Variants in TENM1 observed in about 807,000 individuals in gnomAD.
TENM1 encodes the protein teneurin transmembrane protein 1, also known as teneurin-1.
A neutral mutation model predicts 174.8 loss-of-function variants in TENM1; 35 were observed. The observed-to-expected ratio is 0.20, with a 90% CI of 0.15 to 0.27. The LOEUF is 0.27. TENM1 is among the 10% of genes least tolerant of loss of function. TENM1 has a pLI of 1.00. For missense variants in TENM1, 1,633 were observed against 2,130.1 expected, an observed-to-expected ratio of 0.77 and a Z score of 4.59; for synonymous variants, 781 against 798.7, an observed-to-expected ratio of 0.98 and a Z score of 0.37.
the TENM1 span, among the ~76,000 whole-genome samples, chrX:124,978,005 AGAGAGAGAGAGAGAGAG>A: frequency 2.7e-4 from 24 of 90,500 alleles, no homozygotes; most frequent in African/African-American, 1.0e-3. Context: ...AGAGAGAGAG[AGAGAGAGAGAGAGAGAG>A]ATCTTTTTCC....
At chrX:124,974,905 A>G in the TENM1 span, among the ~76,000 whole-genome samples, 1 of 66,867 alleles carries the variant, frequency 1.5e-5, no homozygotes, top group Non-Finnish European at 3.2e-5. Context: ...TATATATAAA[A>G]TAATTTTGAA....
chrX:125,172,051 CACTT>C, the TENM1 span, among the ~76,000 whole-genome samples: 1 of 111,451 alleles, frequency 9.0e-6, no homozygotes, highest in African/African-American at 3.3e-5. Flanking sequence ...GACAAGAAAA[CACTT>C]AGAGAGCTAG....
intron 1 of TENM1, among the ~76,000 whole-genome samples, chrX:124,960,800 A>G (rs1274733491): frequency 8.9e-6 from 1 of 112,339 alleles, no homozygotes; most frequent in Non-Finnish European, 1.9e-5. Context: ...AGACAAACTT[A>G]CAGATAAGTA....
chrX:124,903,073 T>C (rs1399219545), intron 1 of TENM1, among the ~76,000 whole-genome samples: 2 of 111,944 alleles, frequency 1.8e-5, no homozygotes. Context: ...GACTGGAGCC[T>C]GTGGTTATAA....
chrX:124,772,003 T>C (rs1323481456), intron 3 of TENM1, among the ~76,000 whole-genome samples: 4 of 112,283 alleles, frequency 3.6e-5, no homozygotes, highest in Non-Finnish European at 1.9e-5. Context: ...CACTACTTAC[T>C]AGTATCCTAT....
chrX:124,765,842 T>C (rs2054527647), intron 3 of TENM1, among the ~76,000 whole-genome samples: 1 of 112,201 alleles, frequency 8.9e-6, no homozygotes, highest in South Asian at 3.7e-4. Context: ...ACATACACTC[T>C]ACTTGAACTT....
At chrX:125,161,227 G>C in the TENM1 span, among the ~76,000 whole-genome samples, 3 of 110,893 alleles carry the variant, frequency 2.7e-5, no homozygotes, top group African/African-American at 9.8e-5. Context: ...AAATGACATA[G>C]TATTTGCATG....
intron 11 of TENM1, among the ~76,000 whole-genome samples, chrX:124,584,762 T>C (rs1223029960): frequency 2.7e-5 from 3 of 111,198 alleles, no homozygotes; most frequent in Non-Finnish European, 3.8e-5. Flanking sequence ...AGAGTCAAGA[T>C]CCATCGGTGT....
At chrX:124,677,444 T>C (rs2148446964) in intron 5 of TENM1, among the ~76,000 whole-genome samples, 1 of 111,243 alleles carries the variant, frequency 9.0e-6, no homozygotes, top group South Asian at 3.7e-4. Flanking sequence ...GAGTGTACAG[T>C]GGTAAAGTGG....
chrX:124,767,301 A>G (rs1366699298), intron 3 of TENM1, among the ~76,000 whole-genome samples: 1 of 111,529 alleles, frequency 9.0e-6, no homozygotes, highest in Non-Finnish European at 1.9e-5. Context: ...TCTATCAGAA[A>G]CCAACATTAT....
chrX:125,104,272 G>A, the TENM1 span, among the ~76,000 whole-genome samples: 1 of 111,754 alleles, frequency 8.9e-6, no homozygotes, highest in Non-Finnish European at 1.9e-5. Flanking sequence ...GAAAGTAAAT[G>A]GGATAACACT....
At chrX:124,978,642 C>T in the TENM1 span, among the ~76,000 whole-genome samples, 28 of 111,618 alleles carry the variant, frequency 2.5e-4, no homozygotes, top group African/African-American at 8.5e-4. Flanking sequence ...TGGTTTCCTA[C>T]GGGTCACTCC....
chrX:124,596,275 A>G (rs2049889190), intron 11 of TENM1, among the ~76,000 whole-genome samples: 1 of 112,063 alleles, frequency 8.9e-6, no homozygotes, highest in Non-Finnish European at 1.9e-5. Context: ...ATACACCTAA[A>G]TGTTTGACTC....
chrX:124,748,723 G>A (rs956213189), intron 3 of TENM1, among the ~76,000 whole-genome samples: 1 of 112,070 alleles, frequency 8.9e-6, no homozygotes, highest in African/African-American at 3.2e-5. Context: ...TGACACAATG[G>A]TTAAGTTACA....
chrX:125,070,997 G>A, the TENM1 span, among the ~76,000 whole-genome samples: 7 of 111,610 alleles, frequency 6.3e-5, no homozygotes, highest in South Asian at 3.8e-4. Flanking sequence ...AAAGAAGATG[G>A]ATATATCCTC....
At chrX:125,024,350 A>G in the TENM1 span, among the ~76,000 whole-genome samples, 2 of 107,959 alleles carry the variant, frequency 1.9e-5, no homozygotes, top group Non-Finnish European at 3.8e-5. Flanking sequence ...ATATATATAT[A>G]TACACACATA....
chrX:125,100,468 T>A, the TENM1 span, among the ~76,000 whole-genome samples: 5 of 112,103 alleles, frequency 4.5e-5, no homozygotes, highest in Non-Finnish European at 9.4e-5. Flanking sequence ...TAGTTAAGGA[T>A]CAAAGCTCCA....
chrX:124,881,982 G>A (rs1359266167), intron 3 of TENM1, among the ~76,000 whole-genome samples: 1 of 112,001 alleles, frequency 8.9e-6, no homozygotes, highest in African/African-American at 3.2e-5. Flanking sequence ...GCCCACTTCG[G>A]CCTCCCGAAG....
At chrX:125,116,351 C>T in the TENM1 span, among the ~76,000 whole-genome samples, 1 of 111,664 alleles carries the variant, frequency 9.0e-6, no homozygotes, top group Admixed American at 9.5e-5. Flanking sequence ...ATTAAAACAC[C>T]AAAAGCAATG....
Sources: allele counts gnomAD v4.1 joint callset (sites outside exome capture counted in the v4.1 genomes callset), GRCh38; gene constraint gnomAD v4.1.1; transcripts MANE v1.5; gene names NCBI Gene and HGNC (gene_info 2026-07-23, HGNC 2026-07-21).